Variants in COL7A1 observed in about 807,000 individuals in gnomAD.
COL7A1 encodes collagen type VII alpha 1 chain.
Under a neutral mutation model 456.2 loss-of-function variants are expected in COL7A1, and 296 were observed. That is an observed-to-expected ratio of 0.65 (90% CI 0.59 to 0.71). COL7A1 has a LOEUF of 0.71. COL7A1 is among the 30% of genes least tolerant of loss of function. The pLI, the probability that COL7A1 is intolerant of heterozygous loss-of-function variation, is 0.00. For missense variants in COL7A1, 3,441 were observed against 4,017.2 expected (o/e 0.86, Z 3.88); for synonymous variants, 1,464 against 1,525.9 (o/e 0.96, Z 0.95).
rs1203602777 is a variant in COL7A1, at chr3:48,581,399, G to T, written c.4818+49C>A. 3 of 1,613,734 alleles carry T rather than the reference G, an allele frequency of 1.9e-6. No homozygotes were observed. Among genetic ancestry groups the T allele is most frequent in the Non-Finnish European group, 2.5e-6 (3 of 1,179,974 alleles). On this transcript the variant is annotated intron_variant, in intron 51 of 118. Transcript: ENST00000681320. The surrounding 1 kb of genome is among the most constrained non-coding windows in gnomAD (Gnocchi z 5.8). ...CGCTCGAAGCAAGCAGTTCTCAAGG[G>T]GAGGGGACCCCAGAAGCCTTGAGGT...
chr3:48,591,369 C>T lies in COL7A1; in HGVS notation c.1636+95G>A. The T allele has an allele frequency of 4.6e-6, 7 of 1,527,866 alleles. No individual in the cohort carries two copies. The South Asian group carries it at 8.3e-5, about 18-fold the overall frequency. 94.6% of individuals were successfully genotyped at this position (1,527,866 alleles called of 1,614,324 possible). The stretch of plus-strand genomic sequence containing the variant: ...CGAGACAGGGAGGAGACTATAGGGA[C>T]CCAGGTGTGGAAGGAGAGGGCTGGA... On this transcript the variant is annotated intron_variant, in intron 13 of 118. Transcript: ENST00000681320. This position sits in a 1 kb window ranked among gnomAD's most constrained non-coding sequence, Gnocchi z 7.0.
rs1428185013 is a variant in COL7A1 at position 48,587,448 on chromosome 3, G to C, written c.2964C>G (p.Ser988=). ...GGCCAGGGCCTCTGAGTGGCCGCCAGGATAGGATGTAGCTGGATGCCCTGG... is the reference window on the plus strand; with the variant it reads ...GGCCAGGGCCTCTGAGTGGCCGCCACGATAGGATGTAGCTGGATGCCCTGG... ...PVSRASSYIL[S]WRPLRGPGQE... Residue 988 remains serine (S), a synonymous_variant, in exon 23 of 119, where the codon TCC becomes TCG. Transcript: ENST00000681320. This position sits in a 1 kb window ranked among gnomAD's most constrained non-coding sequence, Gnocchi z 6.1. 6.2e-7 allele frequency: 1 copy of C among 1,613,354 alleles called. No homozygotes were observed. Among genetic ancestry groups the C allele is most frequent in the Non-Finnish European group, 8.5e-7 (1 of 1,180,026 alleles).
At position 48,586,523 on chromosome 3, in the gene COL7A1, G is replaced by A. The variant is rs932296171; in HGVS notation, c.3403+40C>T. ...AGAACCCTGGGGCACCAAGCTCCCAGTGGATAGCCCCAGGAGTCCATGCCT... is the reference window on the plus strand; with the variant it reads ...AGAACCCTGGGGCACCAAGCTCCCAATGGATAGCCCCAGGAGTCCATGCCT... On this transcript the variant is annotated intron_variant, in intron 26 of 118. Transcript: ENST00000681320. This position sits in a 1 kb window ranked among gnomAD's most constrained non-coding sequence, Gnocchi z 5.1. 3 of 1,613,680 alleles carry A rather than the reference G, an allele frequency of 1.9e-6. No homozygotes were observed. Among genetic ancestry groups the A allele is most frequent in the African/African-American group, 1.3e-5 (1 of 74,936 alleles).
rs1250955177 is a variant in COL7A1, at chr3:48,591,405, GA to G, written c.1636+58del. ...AAGGAGAGGGCTGGAGGTACACTCA[GA>G]CCCCTCAGGCTGGAACTTCAGTGTG... On this transcript the variant is annotated intron_variant, in intron 13 of 118. Transcript: ENST00000681320. The surrounding 1 kb of genome is among the most constrained non-coding windows in gnomAD (Gnocchi z 7.0). The G allele has an allele frequency of 6.2e-7, 1 of 1,603,614 alleles. No individual in the cohort carries two copies. The highest frequency in any genetic ancestry group is 1.3e-5 in the African/African-American group (1 of 74,708).
chr3:48,584,009 C>T (rs1414972296), intron 38 of COL7A1, 26 bp downstream of exon 38: 8 of 1,613,946 alleles, frequency 5.0e-6, no homozygotes, highest in Non-Finnish European at 6.8e-6. Context: ...CCAAGCCACC[C>T]CTAGCACAAC....
Position 48,593,464 on chromosome 3 carries a change from G to T in COL7A1, c.427-15C>A, listed in dbSNP as rs201327901. ...AGGATGCAGACCTGGGACAGGTGCA[G>T]GGGTCAAATCACGGTTCCCCTGGAC... On this transcript the variant is annotated splice_polypyrimidine_tract_variant and intron_variant, in intron 4 of 118. Transcript: ENST00000681320. The surrounding 1 kb of genome is among the most constrained non-coding windows in gnomAD (Gnocchi z 4.4). The T allele has an allele frequency of 4.3e-6, 7 of 1,614,060 alleles. No homozygotes were observed. The African/African-American group carries it at 9.3e-5, about 22-fold the overall frequency.
Position 48,565,228 on chromosome 3 carries a change from A to T in COL7A1, c.8528-27T>A. The T allele has an allele frequency of 6.2e-7, 1 of 1,604,868 alleles. No homozygotes were observed. Among genetic ancestry groups the T allele is most frequent in the Non-Finnish European group, 8.5e-7 (1 of 1,173,402 alleles). ...TGCAGGTAGGGCAGGGTGTGCTGGG[A>T]GCAGTGGCTGCTGGCCCCGGGGCAA... On this transcript the variant is annotated intron_variant, in intron 116 of 118. Transcript: ENST00000681320. This position sits in a 1 kb window ranked among gnomAD's most constrained non-coding sequence, Gnocchi z 4.5.
At chr3:48,577,630 T>C (rs1009769884) in intron 65 of COL7A1, among the ~76,000 whole-genome samples, 1 of 152,222 alleles carries the variant, frequency 6.6e-6, no homozygotes, top group East Asian at 1.9e-4. Context: ...CAGGTCCACA[T>C]GCGGTCTTGG....
In COL7A1 at chr3:48,580,411, A is replaced by AT; in HGVS notation, c.5053-68dup. ...AGTTTGGGAGAGCTTTGGAAGCACC[A>AT]TGAGGACTCATGGGAATGTTGGTAG... On this transcript the variant is annotated intron_variant, in intron 55 of 118. Coordinates refer to ENST00000681320, the MANE Select transcript of COL7A1 (RefSeq NM_000094.4). The surrounding 1 kb of genome is among the most constrained non-coding windows in gnomAD (Gnocchi z 4.5). 1 of 1,560,466 alleles carries AT rather than the reference A, an allele frequency of 6.4e-7. No homozygotes were observed.
In COL7A1 at chr3:48,589,643, A is replaced by G. The variant is rs1481415391; in HGVS notation, c.2126T>C (p.Val709Ala). 6.8e-6 allele frequency: 11 copies of G among 1,613,778 alleles called. No individual in the cohort carries two copies. The highest frequency in any genetic ancestry group is 9.3e-6 in the Non-Finnish European group (11 of 1,179,976). Residue 709 changes from valine (V) to alanine (A), a missense_variant, in exon 17 of 119, where the codon GTT becomes GCT. Val to Ala is a moderately conservative substitution (Grantham distance 64). Transcript: ENST00000681320. ...AACCCTGTATCCTGTGGCGCCAGGA[A>G]CCCTGGTCCAGGTAATGGTGACAGA... ...SSSVTITWTR[V>A]PGATGYRVSW...
chr3:48,568,684 G>A lies in COL7A1; in HGVS notation c.7758+100C>T. The A allele has an allele frequency of 6.7e-7, 1 of 1,482,664 alleles. No homozygotes were observed. The highest frequency in any genetic ancestry group is 9.2e-7 in the Non-Finnish European group (1 of 1,086,344). The allele number at this position is 1,482,664 out of a possible 1,614,324, so 91.8% of individuals were successfully genotyped here. ...AACACACATGGGGCCGGCAGCAAGGGAGCCAGAACCCCCAGCACTTAAGAG... is the reference window on the plus strand; with the variant it reads ...AACACACATGGGGCCGGCAGCAAGGAAGCCAGAACCCCCAGCACTTAAGAG... On this transcript the variant is annotated intron_variant, in intron 104 of 118. Transcript: ENST00000681320. This position sits in a 1 kb window ranked among gnomAD's most constrained non-coding sequence, Gnocchi z 5.2.
Position 48,592,844 on chromosome 3 carries a change from C to T in COL7A1, c.777G>A (p.Val259=), listed in dbSNP as rs1246610754. The change falls in exon 7 of 119, where the codon GTG becomes GTA. Residue 259 remains valine, a synonymous_variant. Coordinates refer to ENST00000681320, the MANE Select transcript of COL7A1 (RefSeq NM_000094.4). This position sits in a 1 kb window ranked among gnomAD's most constrained non-coding sequence, Gnocchi z 7.6. ...GAGTGTACTGGACCTTGTAGCCAGTCACAGGGCCACTGGCCGCTGTCCACT... is the reference window on the plus strand; with the variant it reads ...GAGTGTACTGGACCTTGTAGCCAGTTACAGGGCCACTGGCCGCTGTCCACT... ...RVQWTAASGP[V]TGYKVQYTPL... 3.1e-6 allele frequency: 5 copies of T among 1,613,820 alleles called. No individual in the cohort carries two copies. The highest frequency in any genetic ancestry group is 1.7e-5 in the Admixed American group (1 of 60,008).
rs772768581 is a variant in COL7A1, at chr3:48,586,597, G to A, written c.3369C>T (p.Asp1123=). 6.2e-6 allele frequency: 10 copies of A among 1,613,806 alleles called. No individual in the cohort carries two copies. The highest frequency in any genetic ancestry group is 8.5e-6 in the Non-Finnish European group (10 of 1,180,042). The change falls in exon 26 of 119, where the codon GAC becomes GAT. Residue 1123 remains aspartate (D), a synonymous_variant. Transcript: ENST00000681320. The surrounding 1 kb of genome is among the most constrained non-coding windows in gnomAD (Gnocchi z 5.1). ...DLGIILQRIR[D]MPYMDPSGNN... The stretch of plus-strand genomic sequence containing the variant: ...TCCCACTTGGGTCCATGTAGGGCAT[G>A]TCACGGATCCTTTGCAAGATAATGC...
At chr3:48,589,133 G>T (rs2045509679) in intron 18 of COL7A1, 138 bp from the exon 19 acceptor site, 1 of 1,512,748 alleles carries the variant, frequency 6.6e-7, no homozygotes, top group African/African-American at 1.4e-5. Context: ...GGAGGAGGAG[G>T]TCAGTGCCTT....
rs759543265 is a variant in COL7A1, at chr3:48,583,197, CAGAG to C, written c.4438-30_4438-27del. On this transcript the variant is annotated intron_variant, in intron 42 of 118. Transcript: ENST00000681320. The surrounding 1 kb of genome is among the most constrained non-coding windows in gnomAD (Gnocchi z 5.1). ...CTGAAGAGAGAGGGTGAGAGAAAGA[CAGAG>C]AGAGAGAGGGTTGGTGGCGGGGCTT... The C allele has an allele frequency of 3.7e-6, 6 of 1,612,056 alleles. No homozygotes were observed. The highest frequency in any genetic ancestry group is 4.5e-5 in the East Asian group (2 of 44,842).
rs141801873 is a variant in COL7A1 at position 48,592,586 on chromosome 3, G to C, written c.960C>G (p.Ser320Arg). ...ATTGCTCACTGGTCCGAGCTGTCCCGCTCACAGCCTCCCCGATGCTGTTGG... is the reference window on the plus strand; with the variant it reads ...ATTGCTCACTGGTCCGAGCTGTCCCCCTCACAGCCTCCCCGATGCTGTTGG... ...LYANSIGEAV[S>R]GTARTTALEG... The change falls in exon 8 of 119, where the codon AGC becomes AGG. Residue 320 changes from serine (S) to arginine (R), a missense_variant. Coordinates refer to ENST00000681320, the MANE Select transcript of COL7A1 (RefSeq NM_000094.4). This position sits in a 1 kb window ranked among gnomAD's most constrained non-coding sequence, Gnocchi z 7.6. 6.2e-7 allele frequency: 1 copy of C among 1,613,968 alleles called. No individual in the cohort carries two copies. Among genetic ancestry groups the C allele is most frequent in the East Asian group, 2.2e-5 (1 of 44,880 alleles).
chr3:48,570,264 G>C lies in COL7A1; in HGVS notation c.7440+11C>G, dbSNP rs368411096. The stretch of plus-strand genomic sequence containing the variant: ...TGAAGGGAGTTCGGCTGTGGAGTAA[G>C]ACATACGTACCCGGATGCCTGGCTC... On this transcript the variant is annotated intron_variant, in intron 98 of 118. Coordinates refer to ENST00000681320, the MANE Select transcript of COL7A1 (RefSeq NM_000094.4). The surrounding 1 kb of genome is among the most constrained non-coding windows in gnomAD (Gnocchi z 5.5). 1 of 1,614,112 alleles carries C rather than the reference G, an allele frequency of 6.2e-7. No homozygotes were observed. Among genetic ancestry groups the C allele is most frequent in the East Asian group, 2.2e-5 (1 of 44,856 alleles).
In COL7A1 at chr3:48,584,900, G is replaced by A; in HGVS notation, c.4011+10C>T. The A allele has an allele frequency of 6.2e-7, 1 of 1,614,052 alleles. No homozygotes were observed. Among genetic ancestry groups the A allele is most frequent in the Non-Finnish European group, 8.5e-7 (1 of 1,180,004 alleles). On this transcript the variant is annotated intron_variant, in intron 34 of 118. Transcript: ENST00000681320. ...GACACTTAGAGAGCAAAGAAGGGAA[G>A]GCACCTTACCGGGTCCCCACGAGGG... is the stretch of plus-strand genomic sequence containing the variant.
Position 48,572,492 on chromosome 3 carries a change from C to T in COL7A1, c.6936+11G>A. On this transcript the variant is annotated intron_variant, in intron 89 of 118. Transcript: ENST00000681320. The surrounding 1 kb of genome is among the most constrained non-coding windows in gnomAD (Gnocchi z 4.6). Reference sequence around the variant, plus strand: ...TGACCCCCCCTCACTGGCAGCCCCACACACACTCACCTTCTCTCCCTTTGC... The same window carrying T: ...TGACCCCCCCTCACTGGCAGCCCCATACACACTCACCTTCTCTCCCTTTGC... 19 of 1,613,884 alleles carry T rather than the reference C, an allele frequency of 1.2e-5. No individual in the cohort carries two copies. The highest frequency in any genetic ancestry group is 1.6e-5 in the Non-Finnish European group (19 of 1,179,922).
Sources: gnomAD v4.1 joint callset for allele counts (sites outside exome capture counted in the v4.1 genomes callset) on GRCh38, gnomAD v4.1.1 for gene constraint, Gnocchi (gnomAD v3.1) non-coding constraint, MANE v1.5 for transcripts, NCBI Gene and HGNC (gene_info 2026-07-23, HGNC 2026-07-21) for gene names.